AIG1: variants seen among roughly 807,000 people sequenced by gnomAD.
AIG1 encodes the protein androgen-induced gene 1 protein.
AIG1 carries 23 observed loss-of-function variants against 31.4 expected under a neutral mutation model. The ratio of observed to expected loss-of-function variants is 0.73; its 90% CI spans 0.53 to 1.04. AIG1 has a LOEUF of 1.04. Ranked by LOEUF, AIG1 falls within the 50% of genes least tolerant of loss-of-function variation. The probability of loss-of-function intolerance (pLI) is 0.00; values close to 1 mark genes in which losing one functional copy is unlikely to be tolerated. For missense variants in AIG1, 274 were observed against 295.0 expected (o/e 0.93, Z 0.52); for synonymous variants, 100 against 110.5 (o/e 0.90, Z 0.60).
At chr6:143,220,603 A>T (rs112676995) in intron 3 of AIG1, among the ~76,000 whole-genome samples, 16 of 151,994 alleles carry the variant, frequency 1.1e-4, no homozygotes, top group African/African-American at 3.1e-4. Flanking sequence ...GCAAATCTTG[A>T]CTCTGCTATT....
In AIG1 at chr6:143,333,245, G is replaced by T. The variant is rs371795269; in HGVS notation, c.516-37G>T. On this transcript the variant is annotated intron_variant, in intron 4 of 5. Transcript: ENST00000357847. This position sits in a 1 kb window ranked among gnomAD's most constrained non-coding sequence, Gnocchi z 4.6. ...CAGCTTTGATGCCTGCCATAAGAGT[G>T]ACTCCTGTCCTTGTCTCCTTTCCGA... The T allele has an allele frequency of 6.7e-5, 104 of 1,561,150 alleles. No homozygotes were observed. The highest frequency in any genetic ancestry group is 8.7e-5 in the Non-Finnish European group (100 of 1,154,058).
chr6:143,085,141 T>G (rs1259781972), intron 1 of AIG1, among the ~76,000 whole-genome samples: 4 of 152,144 alleles, frequency 2.6e-5, no homozygotes, highest in African/African-American at 9.7e-5. Flanking sequence ...CTATTTTAAT[T>G]TGCTTCAAGT....
chr6:143,088,917 A>G (rs1222858834), intron 1 of AIG1, among the ~76,000 whole-genome samples: 2 of 152,188 alleles, frequency 1.3e-5, no homozygotes, highest in Non-Finnish European at 2.9e-5. Context: ...GTAACATAAG[A>G]CTTCTTAGCA....
At chr6:143,143,528 A>AAAAATATAT (rs1554249782) in intron 2 of AIG1, among the ~76,000 whole-genome samples, 1 of 27,784 alleles carries the variant, frequency 3.6e-5, no homozygotes, top group African/African-American at 9.6e-5. Flanking sequence ...AAAAAAAAAA[A>AAAAATATAT]ATATATATAT....
intron 2 of AIG1, among the ~76,000 whole-genome samples, chr6:143,145,524 G>A (rs1018846131): frequency 1.1e-4 from 16 of 149,940 alleles, no homozygotes; most frequent in Admixed American, 9.2e-4. Context: ...TCTTCATCAG[G>A]TGAAGAGATT....
chr6:143,153,074 C>A (rs7775793), intron 2 of AIG1, among the ~76,000 whole-genome samples: 17,132 of 152,058 alleles, frequency 0.11, 1,605 homozygotes, highest in East Asian at 0.43. Context: ...AAATCCAGAG[C>A]GACAACTGGT....
At chr6:143,072,132 G>T (rs898183649) in intron 1 of AIG1, among the ~76,000 whole-genome samples, 1 of 152,008 alleles carries the variant, frequency 6.6e-6, no homozygotes, top group Admixed American at 6.6e-5. Flanking sequence ...GGCTAACGAC[G>T]TTGAATATAT....
Position 143,290,744 on chromosome 6 carries a change from C to A in AIG1, c.515+6519C>A, listed in dbSNP as rs114195270. On this transcript the variant is annotated intron_variant, in intron 4 of 5. Coordinates refer to ENST00000357847, the MANE Select transcript of AIG1 (RefSeq NM_016108.4). Reference sequence around the variant, plus strand: ...CATCACCTGATGGTTGCCTGACATTCTTGTTTGTTGGGGGGTGGCAGGGGG... The same window carrying A: ...CATCACCTGATGGTTGCCTGACATTATTGTTTGTTGGGGGGTGGCAGGGGG... Among the ~76,000 whole-genome samples the A allele has an allele frequency of 8.7e-3, 1,322 of 152,222 alleles. 14 individuals are homozygous for A. The highest frequency in any genetic ancestry group is 0.029 in the African/African-American group (1,224 of 41,520).
At chr6:143,103,214 G>A (rs935462307) in intron 1 of AIG1, among the ~76,000 whole-genome samples, 5 of 152,188 alleles carry the variant, frequency 3.3e-5, no homozygotes, top group African/African-American at 1.2e-4. Flanking sequence ...TGTAATGGGG[G>A]TGTCAGGCCC....
chr6:143,266,421 G>A (rs1307242773), intron 3 of AIG1, among the ~76,000 whole-genome samples: 2 of 151,360 alleles, frequency 1.3e-5, no homozygotes, highest in African/African-American at 4.9e-5. Flanking sequence ...CCTGAGATCA[G>A]CTGTCAAGAA....
At chr6:143,092,279 AT>A (rs760340815) in intron 1 of AIG1, among the ~76,000 whole-genome samples, 3,421 of 117,648 alleles carry the variant, frequency 0.029, 59 homozygotes, top group African/African-American at 0.079. Context: ...TAATTTTTTG[AT>A]TTTTTTTTTT....
chr6:143,188,510 T>C lies in AIG1; in HGVS notation c.399+23327T>C, dbSNP rs1052659361. 4 of 985,246 alleles carry C rather than the reference T, an allele frequency of 4.1e-6. No individual in the cohort carries two copies. The Admixed American group carries it at 2.5e-4, about 61-fold the overall frequency. The allele number at this position is 985,246 out of a possible 1,614,324, so 61.0% of individuals were successfully genotyped here. A position where few individuals can be genotyped will look rare whatever the true frequency, so the allele number is the denominator to read the frequency against. ...TCAGCTTCCCTTCCTGTGACCTGCCTACTATAACCCTGGCAAGGCTGAGAC... is the reference window on the plus strand; with the variant it reads ...TCAGCTTCCCTTCCTGTGACCTGCCCACTATAACCCTGGCAAGGCTGAGAC... On this transcript the variant is annotated intron_variant, in intron 3 of 5. Transcript: ENST00000357847.
chr6:143,169,953 A>G (rs1486659604), intron 3 of AIG1, among the ~76,000 whole-genome samples: 2 of 152,016 alleles, frequency 1.3e-5, no homozygotes, highest in Non-Finnish European at 2.9e-5. Flanking sequence ...TGGGATAAAT[A>G]TAAACTTTTG....
At chr6:143,273,149 T>G (rs1796656150) in intron 3 of AIG1, among the ~76,000 whole-genome samples, 1 of 152,150 alleles carries the variant, frequency 6.6e-6, no homozygotes, top group Non-Finnish European at 1.5e-5. Context: ...ATTGTGGGAA[T>G]ATTTTAAAGA....
chr6:143,225,881 A>G (rs1019588882), intron 3 of AIG1, among the ~76,000 whole-genome samples: 9 of 151,976 alleles, frequency 5.9e-5, no homozygotes, highest in African/African-American at 2.2e-4. Flanking sequence ...AGATGGCTCT[A>G]CTCTCTCTTT....
At chr6:143,341,156 G>A (rs774554399), downstream of AIG1, among the ~76,000 whole-genome samples, 2 of 152,112 alleles carry the variant, frequency 1.3e-5, no homozygotes, top group Non-Finnish European at 2.9e-5. Flanking sequence ...AATGCATCTA[G>A]CAGCATTACC....
chr6:143,300,432 G>A (rs1212725258), intron 4 of AIG1, among the ~76,000 whole-genome samples: 1 of 152,164 alleles, frequency 6.6e-6, no homozygotes, highest in Non-Finnish European at 1.5e-5. Context: ...ACTGGAAAGA[G>A]GCAAGAGTCT....
At chr6:143,067,632 T>C (rs1776835446) in intron 1 of AIG1, among the ~76,000 whole-genome samples, 1 of 152,234 alleles carries the variant, frequency 6.6e-6, no homozygotes, top group South Asian at 2.1e-4. Context: ...ATAAAACATA[T>C]TCTTGTCTCT....
chr6:143,072,357 A>G (rs191959001), intron 1 of AIG1, among the ~76,000 whole-genome samples: 80 of 152,236 alleles, frequency 5.3e-4, no homozygotes, highest in South Asian at 8.3e-4. Flanking sequence ...TATTTAGACT[A>G]TCATGTCACC....
Sources: gnomAD v4.1 joint callset for allele counts (sites outside exome capture counted in the v4.1 genomes callset) on GRCh38, gnomAD v4.1.1 for gene constraint, Gnocchi (gnomAD v3.1) non-coding constraint, MANE v1.5 for transcripts, NCBI Gene and HGNC (gene_info 2026-07-23, HGNC 2026-07-21) for gene names.